COL25A1: variants seen among roughly 807,000 people sequenced by gnomAD.
COL25A1 encodes collagen alpha-1(XXV) chain.
A neutral mutation model predicts 128.4 loss-of-function variants in COL25A1; 103 were observed. That is an observed-to-expected ratio of 0.80 (90% confidence interval 0.68 to 0.94). The LOEUF (loss-of-function observed/expected upper bound fraction) is 0.94, where lower values mean the gene tolerates loss of function less well. Ranked by LOEUF, COL25A1 falls within the 40% of genes least tolerant of loss-of-function variation. COL25A1 has a pLI of 0.00. For missense variants in COL25A1, 745 were observed against 840.0 expected (o/e 0.89, Z 1.40); for synonymous variants, 279 against 277.2 (o/e 1.01, Z -0.06).
chr4:108,834,207 C>A, intron 31 of COL25A1: 1 of 768,384 alleles, frequency 1.3e-6, no homozygotes, highest in Non-Finnish European at 2.1e-6. Context: ...CCCCCTTTTG[C>A]CGCCATCTTT....
At chr4:109,292,566 T>A (rs1724574995) in intron 3 of COL25A1, among the ~76,000 whole-genome samples, 2 of 152,054 alleles carry the variant, frequency 1.3e-5, no homozygotes, top group Admixed American at 1.3e-4. Context: ...GCCAAGGAGT[T>A]CACAAGTGAG....
chr4:109,284,749 C>A (rs868454295), intron 3 of COL25A1, among the ~76,000 whole-genome samples: 1 of 150,518 alleles, frequency 6.6e-6, no homozygotes, highest in Non-Finnish European at 1.5e-5. Flanking sequence ...CAAATTCTGA[C>A]AAGGCCGGAT....
At chr4:108,874,275 A>G (rs1030932212) in intron 19 of COL25A1, among the ~76,000 whole-genome samples, 3 of 152,218 alleles carry the variant, frequency 2.0e-5, no homozygotes, top group African/African-American at 4.8e-5. Context: ...TTATATTGGA[A>G]TGTATAATGA....
At chr4:108,894,139 A>G (rs1369771982) in intron 16 of COL25A1, among the ~76,000 whole-genome samples, 1 of 152,218 alleles carries the variant, frequency 6.6e-6, no homozygotes, top group Non-Finnish European at 1.5e-5. Flanking sequence ...GCATTAATAT[A>G]TAAAATAAGA....
At chr4:108,994,538 TAGG>T (rs1754556299) in intron 6 of COL25A1, among the ~76,000 whole-genome samples, 1 of 152,176 alleles carries the variant, frequency 6.6e-6, no homozygotes, top group Admixed American at 6.5e-5. Context: ...GGGCAGGGCA[TAGG>T]AGAACAAAAG....
At chr4:109,015,468 T>A (rs541563444) in intron 5 of COL25A1, among the ~76,000 whole-genome samples, 9 of 152,276 alleles carry the variant, frequency 5.9e-5, no homozygotes, top group Admixed American at 5.9e-4. Context: ...AAATGCTTCA[T>A]AAATAAAAAC....
chr4:108,907,184 TAGAAG>T (rs1743632970), intron 13 of COL25A1, among the ~76,000 whole-genome samples: 1 of 152,086 alleles, frequency 6.6e-6, no homozygotes, highest in Non-Finnish European at 1.5e-5. Flanking sequence ...GAGTGCGAGT[TAGAAG>T]AGGAGTCTGT....
At chr4:109,274,959 T>C (rs1722671118) in intron 3 of COL25A1, among the ~76,000 whole-genome samples, 2 of 152,218 alleles carry the variant, frequency 1.3e-5, no homozygotes, top group Non-Finnish European at 2.9e-5. Flanking sequence ...CCAGAGTTTT[T>C]GGTTATTGAA....
At chr4:108,871,915 T>C (rs1399641710) in intron 19 of COL25A1, among the ~76,000 whole-genome samples, 2 of 152,194 alleles carry the variant, frequency 1.3e-5, no homozygotes, top group Non-Finnish European at 2.9e-5. Context: ...AAATAAGGCA[T>C]GGATATGTTG....
chr4:109,248,046 T>C (rs1020766471), intron 3 of COL25A1, among the ~76,000 whole-genome samples: 3 of 152,094 alleles, frequency 2.0e-5, no homozygotes, highest in Admixed American at 1.3e-4. Context: ...ACCCGTATTG[T>C]CCCACAGTCA....
chr4:109,026,181 C>T (rs6830519), intron 5 of COL25A1, among the ~76,000 whole-genome samples: 38,249 of 150,680 alleles, frequency 0.25, 7,339 homozygotes, highest in African/African-American at 0.54. Context: ...AATAATTCAC[C>T]TGGGTTAAGA....
intron 3 of COL25A1, among the ~76,000 whole-genome samples, chr4:109,196,423 G>A (rs146844561): frequency 2.5e-4 from 38 of 152,070 alleles, no homozygotes; most frequent in African/African-American, 9.2e-4. Context: ...GTGTATATAT[G>A]TATATATAAA....
chr4:108,818,396 C>A (rs1348679279), intron 36 of COL25A1, among the ~76,000 whole-genome samples: 4 of 151,940 alleles, frequency 2.6e-5, no homozygotes, highest in African/African-American at 9.7e-5. Flanking sequence ...ACCAATATAA[C>A]CATCAACGCA....
intron 5 of COL25A1, among the ~76,000 whole-genome samples, chr4:109,037,921 C>A (rs1579166121): frequency 6.6e-6 from 1 of 152,172 alleles, no homozygotes; most frequent in East Asian, 1.9e-4. Context: ...CATATTTACA[C>A]AACACTGCCA....
At chr4:109,089,797 G>C (rs1196713938) in intron 3 of COL25A1, among the ~76,000 whole-genome samples, 1 of 151,914 alleles carries the variant, frequency 6.6e-6, no homozygotes, top group Non-Finnish European at 1.5e-5. Context: ...GTTGAGATGG[G>C]GTTTTGCCAT....
chr4:109,075,007 C>A (rs1763269559), intron 3 of COL25A1, among the ~76,000 whole-genome samples: 1 of 152,026 alleles, frequency 6.6e-6, no homozygotes, highest in Admixed American at 6.6e-5. Context: ...AACAAAGAAG[C>A]AAAACAACAA....
rs1208113148 is a variant in COL25A1, at chr4:108,812,685, TA to T, written c.*1241del. The T allele has an allele frequency of 6.6e-6, 1 of 152,194 alleles. No homozygotes were observed. The highest frequency in any genetic ancestry group is 1.5e-5 in the Non-Finnish European group (1 of 68,026). The allele number at this position is 152,194 out of a possible 1,614,324, so 9.4% of individuals were successfully genotyped here. A position where few individuals can be genotyped will look rare whatever the true frequency, so the allele number is the denominator to read the frequency against. On this transcript the variant is annotated 3_prime_UTR_variant, in exon 38 of 38. Transcript: ENST00000399132. ...TAAAGAAAGAAAAAGAAAAAAGCAT[TA>T]AAAAGAATGAAAAATACCTGTTTCT...
At chr4:109,096,271 C>T (rs1482085150) in intron 3 of COL25A1, among the ~76,000 whole-genome samples, 1 of 152,108 alleles carries the variant, frequency 6.6e-6, no homozygotes, top group African/African-American at 2.4e-5. Context: ...TGTCATGCAC[C>T]ACATAATGAC....
intron 6 of COL25A1, among the ~76,000 whole-genome samples, chr4:108,984,116 C>G (rs1163859681): frequency 6.6e-6 from 1 of 152,142 alleles, no homozygotes; most frequent in African/African-American, 2.4e-5. Context: ...ACAGACTGTC[C>G]ACACAAAGGT....
Sources: allele counts gnomAD v4.1 joint callset (sites outside exome capture counted in the v4.1 genomes callset), GRCh38; gene constraint gnomAD v4.1.1; transcripts MANE v1.5; gene names NCBI Gene and HGNC (gene_info 2026-07-23, HGNC 2026-07-21).